ABCG1: variants seen among roughly 807,000 people sequenced by gnomAD.
ABCG1 encodes ATP binding cassette subfamily G member 1.
Under a neutral mutation model 69.2 loss-of-function variants are expected in ABCG1, and 29 were observed. The observed-to-expected ratio is 0.42, with a 90% CI of 0.31 to 0.57. The LOEUF is 0.57. Ranked by LOEUF, ABCG1 falls within the 20% of genes least tolerant of loss-of-function variation. ABCG1 has a pLI of 0.15. For synonymous variants in ABCG1, 370 were observed against 374.8 expected, an observed-to-expected ratio of 0.99 and a Z score of 0.15; for missense variants, 718 against 898.1, an observed-to-expected ratio of 0.80 and a Z score of 2.56.
At chr21:42,277,766 G>T (rs113143598) in intron 5 of ABCG1, among the ~76,000 whole-genome samples, 1 of 152,344 alleles carries the variant, frequency 6.6e-6, no homozygotes, top group Non-Finnish European at 1.5e-5. Flanking sequence ...CCAATGGCTC[G>T]ACATGGCCCT....
At chr21:42,206,523 G>A (rs1204690415) in intron 2 of ABCG1, among the ~76,000 whole-genome samples, 1 of 152,112 alleles carries the variant, frequency 6.6e-6, no homozygotes, top group African/African-American at 2.4e-5. Context: ...GTTGTTGGGT[G>A]GAGTGTTATA....
rs752112415 is a variant in ABCG1 at position 42,273,464 on chromosome 21, C to T, written c.537+29C>T. On this transcript the variant is annotated intron_variant, in intron 4 of 14. Coordinates refer to ENST00000398449, the MANE Select transcript of ABCG1 (RefSeq NM_016818.3). The surrounding 1 kb of genome is among the most constrained non-coding windows in gnomAD (Gnocchi z 5.3). ...AGCTCCGCCCTGCCCCGCCCCACTC[C>T]GCCCCTGCCGCCTGTCCCCAGCGCC... The T allele has an allele frequency of 2.9e-5, 46 of 1,576,928 alleles. No individual in the cohort carries two copies. The highest frequency in any genetic ancestry group is 2.4e-4 in the South Asian group (21 of 88,976).
intron 2 of ABCG1, among the ~76,000 whole-genome samples, chr21:42,204,946 ATT>A (rs1601327534): frequency 6.6e-6 from 1 of 151,650 alleles, no homozygotes; most frequent in African/African-American, 2.4e-5. Flanking sequence ...ATTAGTGTTA[ATT>A]TTTTAAAATG....
At chr21:42,279,504 C>CCCGAG (rs1326767697) in intron 5 of ABCG1, among the ~76,000 whole-genome samples, 2 of 152,228 alleles carry the variant, frequency 1.3e-5, no homozygotes. Flanking sequence ...CCTGCTGTGC[C>CCCGAG]CCGAGCCGAG....
At chr21:42,209,676 C>G (rs56838157) in intron 2 of ABCG1, among the ~76,000 whole-genome samples, 7,641 of 152,244 alleles carry the variant, frequency 0.05, 647 homozygotes, top group African/African-American at 0.17. Context: ...CTAATTCATA[C>G]TAGTTCAAGG....
upstream of ABCG1, among the ~76,000 whole-genome samples, chr21:42,215,239 C>T (rs1334339195): frequency 2.0e-5 from 3 of 152,210 alleles, no homozygotes; most frequent in Non-Finnish European, 4.4e-5. Context: ...GGTCACCCCA[C>T]CACAGGCCCA....
chr21:42,209,336 G>A (rs2067568129), intron 2 of ABCG1, among the ~76,000 whole-genome samples: 1 of 152,184 alleles, frequency 6.6e-6, no homozygotes, highest in Admixed American at 6.5e-5. Flanking sequence ...GCGTTCTGAG[G>A]CAAAATGCAA....
chr21:42,241,827 A>G (rs2068055903), intron 2 of ABCG1, among the ~76,000 whole-genome samples: 1 of 150,898 alleles, frequency 6.6e-6, no homozygotes, highest in Admixed American at 6.6e-5. Context: ...TATTAAAAAA[A>G]AAAAAAAGCC....
chr21:42,243,996 T>G (rs549764053), intron 2 of ABCG1, among the ~76,000 whole-genome samples: 7 of 152,030 alleles, frequency 4.6e-5, no homozygotes, highest in Non-Finnish European at 8.8e-5. Flanking sequence ...TTTTTTGTAT[T>G]TTTTAGTAAA....
chr21:42,261,073 G>A (rs1235683411), intron 2 of ABCG1, among the ~76,000 whole-genome samples: 2 of 151,932 alleles, frequency 1.3e-5, no homozygotes, highest in African/African-American at 4.8e-5. Context: ...CACCCGCCTC[G>A]GCCTCCCAAA....
At chr21:42,275,178 C>T (rs2068688123) in intron 4 of ABCG1, among the ~76,000 whole-genome samples, 1 of 152,204 alleles carries the variant, frequency 6.6e-6, no homozygotes, top group Admixed American at 6.5e-5. Flanking sequence ...CAAAGAGAAG[C>T]AGGTTACGTT....
chr21:42,289,919 G>T, intron 10 of ABCG1, 131 bp from the exon 11 acceptor site: 6 of 952,690 alleles, frequency 6.3e-6, no homozygotes, highest in Non-Finnish European at 8.0e-6. Context: ...TGGAGGAGAA[G>T]ACAGGATAAA....
intron 6 of ABCG1, 82 bp downstream of exon 6, chr21:42,282,501 T>C (rs2068830969): frequency 6.7e-7 from 1 of 1,487,924 alleles, no homozygotes; most frequent in Non-Finnish European, 9.0e-7. Context: ...GACCCTGACA[T>C]CCTGATGTAG....
upstream of ABCG1, among the ~76,000 whole-genome samples, chr21:42,215,525 T>C (rs1268353519): frequency 2.0e-5 from 3 of 152,244 alleles, no homozygotes; most frequent in East Asian, 1.9e-4. Flanking sequence ...CAACATGGGC[T>C]GTGCTAATAG....
upstream of ABCG1, among the ~76,000 whole-genome samples, chr21:42,215,571 T>C (rs568403320): frequency 2.0e-5 from 3 of 152,348 alleles, no homozygotes; most frequent in East Asian, 5.8e-4. Context: ...CACATCACCC[T>C]GGCCTGTTCT....
At position 42,287,784 on chromosome 21, in the gene ABCG1, T is replaced by C; in HGVS notation, c.974-105T>C. 2.5e-6 allele frequency: 3 copies of C among 1,194,642 alleles called. No homozygotes were observed. The highest frequency in any genetic ancestry group is 3.5e-6 in the Non-Finnish European group (3 of 854,644). The allele number at this position is 1,194,642 out of a possible 1,614,324, so 74.0% of individuals were successfully genotyped here. On this transcript the variant is annotated intron_variant, in intron 8 of 14. Transcript: ENST00000398449. This position sits in a 1 kb window ranked among gnomAD's most constrained non-coding sequence, Gnocchi z 6.2. Reference sequence around the variant, plus strand: ...CATTAGCACCGCCACGCAGCATCTATGTAATCGCTTTAAAACATTCCCACT... The same window carrying C: ...CATTAGCACCGCCACGCAGCATCTACGTAATCGCTTTAAAACATTCCCACT...
intron 1 of ABCG1, among the ~76,000 whole-genome samples, chr21:42,221,981 C>T (rs2067735444): frequency 6.6e-6 from 1 of 152,146 alleles, no homozygotes; most frequent in Admixed American, 6.5e-5. Context: ...GGAAAATATT[C>T]CCATGAACAG....
At chr21:42,207,780 C>T (rs1262458842) in intron 2 of ABCG1, among the ~76,000 whole-genome samples, 2 of 152,150 alleles carry the variant, frequency 1.3e-5, no homozygotes, top group Admixed American at 1.3e-4. Context: ...CTGATACCTC[C>T]CTAGCTGGGG....
In ABCG1 at chr21:42,288,309, C is replaced by G; in HGVS notation, c.1221C>G (p.Asp407Glu). 1 of 1,589,982 alleles carries G rather than the reference C, an allele frequency of 6.3e-7. No individual in the cohort carries two copies. The highest frequency in any genetic ancestry group is 8.6e-7 in the Non-Finnish European group (1 of 1,165,046). ...FKRTFLSIMRDSVLTHLRITS... is the reference protein window; with the variant it reads ...FKRTFLSIMRESVLTHLRITS... ...GGACCTTCCTCAGCATCATGAGGGA[C>G]TCGGTAAGGCTGCCCGCATCTTCTC... The change falls in exon 10 of 15, where the codon GAC (aspartate) becomes GAG (glutamate). Residue 407 changes from aspartate (D) to glutamate (E), a missense_variant. Coordinates refer to ENST00000398449, the MANE Select transcript of ABCG1 (RefSeq NM_016818.3). This position sits in a 1 kb window ranked among gnomAD's most constrained non-coding sequence, Gnocchi z 4.8.
Sources: gnomAD v4.1 joint callset for allele counts (sites outside exome capture counted in the v4.1 genomes callset) on GRCh38, gnomAD v4.1.1 for gene constraint, Gnocchi (gnomAD v3.1) non-coding constraint, MANE v1.5 for transcripts, NCBI Gene and HGNC (gene_info 2026-07-23, HGNC 2026-07-21) for gene names.